The following CDC14B variants were observed in gnomAD, a reference collection of about 807,000 sequenced individuals.
The protein encoded by CDC14B is cell division cycle 14B.
In CDC14B, 22 loss-of-function variants were observed where a neutral mutation model predicts 64.2. The ratio of observed to expected loss-of-function variants is 0.34; its 90% CI spans 0.24 to 0.49. The LOEUF is 0.49. CDC14B is among the 20% of genes least tolerant of loss of function. The pLI, the probability that CDC14B is intolerant of heterozygous loss-of-function variation, is 0.99. For missense variants in CDC14B, 498 were observed against 629.9 expected (o/e 0.79, Z 2.24); for synonymous variants, 191 against 215.8 (o/e 0.89, Z 1.01).
chr9:96,522,156 T>C (rs571957935), intron 12 of CDC14B, among the ~76,000 whole-genome samples: 1 of 152,326 alleles, frequency 6.6e-6, no homozygotes, highest in East Asian at 1.9e-4. Context: ...ATCTGCAACA[T>C]GGCAAATGTA....
Position 96,566,925 on chromosome 9 carries a change from G to A in CDC14B, c.161-1442C>T, listed in dbSNP as rs369984728. On this transcript the variant is annotated intron_variant, in intron 1 of 13. Transcript: ENST00000375241. ...TTTAAAAAACAAAGTTTAAAGGGCCGCGCGGGGCAGCGGGCGCAGCGACAC... is the reference window on the plus strand; with the variant it reads ...TTTAAAAAACAAAGTTTAAAGGGCCACGCGGGGCAGCGGGCGCAGCGACAC... The A allele has an allele frequency of 3.0e-5, 45 of 1,521,004 alleles. No homozygotes were observed. The African/African-American group carries it at 4.2e-4, about 14-fold the overall frequency. 94.2% of individuals were successfully genotyped at this position (1,521,004 alleles called of 1,614,324 possible).
chr9:96,613,119 A>G (rs1227102522), intron 1 of CDC14B, among the ~76,000 whole-genome samples: 1 of 152,220 alleles, frequency 6.6e-6, no homozygotes, highest in Non-Finnish European at 1.5e-5. Flanking sequence ...AAAAGAAACT[A>G]CATCATTGTG....
intron 5 of CDC14B, among the ~76,000 whole-genome samples, chr9:96,542,743 G>A (rs1241579392): frequency 2.0e-5 from 3 of 152,038 alleles, no homozygotes; most frequent in African/African-American, 4.8e-5. Context: ...GGGCGCAGTG[G>A]CTCAGGCATG....
intron 1 of CDC14B, among the ~76,000 whole-genome samples, chr9:96,571,855 T>C (rs1163555580): frequency 6.6e-6 from 1 of 152,048 alleles, no homozygotes; most frequent in Non-Finnish European, 1.5e-5. Flanking sequence ...CCACAAAGCA[T>C]CCCACCCCAT....
intron 1 of CDC14B, among the ~76,000 whole-genome samples, chr9:96,568,119 T>C (rs1465211398): frequency 2.0e-5 from 3 of 151,792 alleles, no homozygotes; most frequent in African/African-American, 7.3e-5. Context: ...TTTCCCAAGT[T>C]TTCTATAGAA....
downstream of CDC14B, among the ~76,000 whole-genome samples, chr9:96,495,403 C>T (rs575692406): frequency 7.2e-6 from 1 of 139,806 alleles, no homozygotes; most frequent in South Asian, 2.8e-4. Context: ...CCCCCCCCGC[C>T]CCCCGCCCCT....
chr9:96,606,904 T>C (rs1846982960), intron 1 of CDC14B, among the ~76,000 whole-genome samples: 1 of 151,864 alleles, frequency 6.6e-6, no homozygotes, highest in Non-Finnish European at 1.5e-5. Context: ...GGCATGGTGG[T>C]GTGCACCTGT....
intron 1 of CDC14B, among the ~76,000 whole-genome samples, chr9:96,573,929 C>T (rs1405680158): frequency 1.3e-5 from 2 of 152,058 alleles, no homozygotes; most frequent in African/African-American, 2.4e-5. Context: ...GGGCGGATCA[C>T]GAGGTCAGGA....
rs148938888 is a variant in CDC14B, at chr9:96,605,643, T to C, written c.160+13576A>G. Among the ~76,000 whole-genome samples, 40 of 152,352 alleles carry C rather than the reference T, an allele frequency of 2.6e-4. 1 individual carries two copies. Among genetic ancestry groups the C allele is most frequent in the African/African-American group, 8.9e-4 (37 of 41,574 alleles). ...TGGATCCTTGACTCAGCATCTGTTC[T>C]GGGGAATGCAAAGCAAGACACTGAC... On this transcript the variant is annotated intron_variant, in intron 1 of 13. Transcript: ENST00000375241.
At position 96,612,714 on chromosome 9, in the gene CDC14B, A is replaced by G. The variant is rs919559683; in HGVS notation, c.160+6505T>C. ...TGCTAGTTCTCCCTCAGACCCTCCC[A>G]GTGTTATTTTCTCAATTAACACTGA... is the stretch of plus-strand genomic sequence containing the variant. On this transcript the variant is annotated intron_variant, in intron 1 of 13. Coordinates refer to ENST00000375241, the MANE Select transcript of CDC14B (RefSeq NM_033331.4). Among the ~76,000 whole-genome samples, 36 of 152,338 alleles carry G rather than the reference A, an allele frequency of 2.4e-4. 1 individual carries two copies. The highest frequency in any genetic ancestry group is 2.4e-3 in the Admixed American group (36 of 15,306).
intron 1 of CDC14B, among the ~76,000 whole-genome samples, chr9:96,591,703 C>T (rs575366059): frequency 4.6e-5 from 7 of 151,966 alleles, no homozygotes; most frequent in Non-Finnish European, 7.4e-5. Context: ...TTAAGTCTTC[C>T]GATTCACAAG....
Position 96,522,537 on chromosome 9 carries a change from T to C in CDC14B, c.1312A>G (p.Arg438Gly), listed in dbSNP as rs1178771088. Residue 438 changes from arginine to glycine, a missense_variant, in exon 12 of 14, where the codon AGA becomes GGA. By Grantham distance (125) the Arg-to-Gly change is moderately radical. Transcript: ENST00000375241. ...GGAATAGCGTTTGTTTTGGATTGTC[T>C]TCTGCTTTTCAAGGCCCGAAGTCTA... is the stretch of plus-strand genomic sequence containing the variant. ...GDRLRALKSR[R>G]QSKTNAIPLT... 1 of 1,613,556 alleles carries C rather than the reference T, an allele frequency of 6.2e-7. No individual in the cohort carries two copies. Among genetic ancestry groups the C allele is most frequent in the Admixed American group, 1.7e-5 (1 of 60,022 alleles).
At chr9:96,539,200 C>T (rs1839706727) in intron 6 of CDC14B, 60 bp from the exon 7 acceptor site, 2 of 1,196,914 alleles carry the variant, frequency 1.7e-6, no homozygotes, top group African/African-American at 1.5e-5. Flanking sequence ...AGTTTCCTAT[C>T]CAATTTCAGA....
chr9:96,607,782 G>C (rs1847067549), intron 1 of CDC14B, among the ~76,000 whole-genome samples: 1 of 152,048 alleles, frequency 6.6e-6, no homozygotes, highest in African/African-American at 2.4e-5. Context: ...GACGGGTCTG[G>C]GGAAGTTGGA....
chr9:96,497,593 C>T (rs549451738), downstream of CDC14B, among the ~76,000 whole-genome samples: 2 of 152,368 alleles, frequency 1.3e-5, no homozygotes, highest in African/African-American at 4.8e-5. Context: ...CTGAGCAGCT[C>T]ACCAGCGTCA....
chr9:96,534,265 C>A, intron 8 of CDC14B, 108 bp from the exon 9 acceptor site: 1 of 793,416 alleles, frequency 1.3e-6, no homozygotes, highest in Non-Finnish European at 2.0e-6. Context: ...AATTAAATAC[C>A]AATTTGATTA....
chr9:96,566,988 C>A (rs1844095028), intron 1 of CDC14B: 2 of 1,436,282 alleles, frequency 1.4e-6, no homozygotes, highest in Non-Finnish European at 1.8e-6. Flanking sequence ...ACAGCGCAAC[C>A]CCGGAAGTCC....
intron 1 of CDC14B, among the ~76,000 whole-genome samples, chr9:96,602,347 G>A (rs190110465): frequency 6.6e-6 from 1 of 151,950 alleles, no homozygotes; most frequent in Non-Finnish European, 1.5e-5. Context: ...CTGCAAAAAA[G>A]AATTACGTCT....
intron 1 of CDC14B, chr9:96,566,652 C>A: frequency 1.0e-6 from 1 of 971,940 alleles, no homozygotes; most frequent in Non-Finnish European, 1.6e-6. Context: ...CACCCACACG[C>A]AGGAGACAAG....
Sources: gnomAD v4.1 joint callset for allele counts (sites outside exome capture counted in the v4.1 genomes callset) on GRCh38, gnomAD v4.1.1 for gene constraint, MANE v1.5 for transcripts, NCBI Gene and HGNC (gene_info 2026-07-23, HGNC 2026-07-21) for gene names.